RFX7: variants seen among roughly 807,000 people sequenced by gnomAD.
RFX7 encodes DNA-binding protein RFX7.
A neutral mutation model predicts 111.8 loss-of-function variants in RFX7; 26 were observed. The observed-to-expected ratio is 0.23, with a 90% CI of 0.17 to 0.32. The LOEUF is 0.32. Ranked by LOEUF, RFX7 falls within the 10% of genes least tolerant of loss-of-function variation. The pLI, the probability that RFX7 is intolerant of heterozygous loss-of-function variation, is 1.00. For missense variants in RFX7, 1,573 were observed against 1,772.9 expected (o/e 0.89, Z 2.02); for synonymous variants, 624 against 624.4 (o/e 1.00, Z 0.01).
chr15:56,122,211 T>C (rs2042088005), intron 5 of RFX7, among the ~76,000 whole-genome samples: 1 of 152,172 alleles, frequency 6.6e-6, no homozygotes, highest in African/African-American at 2.4e-5. Flanking sequence ...TGATCTGTTT[T>C]TGGCCACCAC....
chr15:56,139,860 T>C (rs185892694), intron 5 of RFX7, among the ~76,000 whole-genome samples: 108 of 152,320 alleles, frequency 7.1e-4, no homozygotes, highest in Admixed American at 6.7e-3. Context: ...TGTAGGTCTG[T>C]TGGAATACGC....
chr15:56,110,001 CG>C (rs2041892884), intron 5 of RFX7, among the ~76,000 whole-genome samples: 1 of 135,084 alleles, frequency 7.4e-6, no homozygotes, highest in Admixed American at 7.2e-5. Context: ...CCGCCCCGTC[CG>C]GGAGGCGAGG....
intron 3 of RFX7, among the ~76,000 whole-genome samples, chr15:56,169,952 G>C (rs1347344322): frequency 2.0e-5 from 3 of 151,942 alleles, no homozygotes; most frequent in Non-Finnish European, 4.4e-5. Context: ...AAAGGAATGA[G>C]TTATCTTTAC....
At position 56,107,877 on chromosome 15, in the gene RFX7, C is replaced by T. The variant is rs1306424207; in HGVS notation, c.402-4207G>A. On this transcript the variant is annotated intron_variant, in intron 5 of 9. Coordinates refer to ENST00000559447, the MANE Select transcript of RFX7 (RefSeq NM_022841.7). ...CAATAAAAAATGATACAGGGGATATCGCCACTGATCCCACAGAAATACAAC... is the reference window on the plus strand; with the variant it reads ...CAATAAAAAATGATACAGGGGATATTGCCACTGATCCCACAGAAATACAAC... Among the ~76,000 whole-genome samples, 3 of 152,124 alleles carry T rather than the reference C, an allele frequency of 2.0e-5. No homozygotes were observed. The East Asian group carries it at 5.8e-4, about 29-fold the overall frequency.
rs1196345049 is a variant in RFX7, at chr15:56,088,615, G to A, written c.*4730C>T. The A allele has an allele frequency of 6.9e-6, 1 of 144,914 alleles. No individual in the cohort carries two copies. Among genetic ancestry groups the A allele is most frequent in the Non-Finnish European group, 1.5e-5 (1 of 67,838 alleles). 9.0% of individuals were successfully genotyped at this position (144,914 alleles called of 1,614,324 possible). ...ATTTCAGATGATGCAATATTAATAA[G>A]TGATCCCATCCATAAATTTATAACT... On this transcript the variant is annotated 3_prime_UTR_variant, in exon 10 of 10. Transcript: ENST00000559447.
intron 3 of RFX7, among the ~76,000 whole-genome samples, chr15:56,177,659 A>G (rs1218715201): frequency 1.3e-5 from 2 of 152,176 alleles, no homozygotes; most frequent in Non-Finnish European, 2.9e-5. Flanking sequence ...CTTAATGAAG[A>G]GAAAAAAGTG....
chr15:56,091,356 A>G lies in RFX7; in HGVS notation c.*1989T>C, dbSNP rs939725104. On this transcript the variant is annotated 3_prime_UTR_variant, in exon 10 of 10. Transcript: ENST00000559447. ...TGCCTACCACAGGTTCAACAAATTTAGTGCAATATATGAACCCCAGAAAGT... is the reference window on the plus strand; with the variant it reads ...TGCCTACCACAGGTTCAACAAATTTGGTGCAATATATGAACCCCAGAAAGT... The G allele has an allele frequency of 3.9e-5, 6 of 152,578 alleles. No homozygotes were observed. The highest frequency in any genetic ancestry group is 1.2e-4 in the African/African-American group (5 of 41,460). 9.5% of individuals were successfully genotyped at this position (152,578 alleles called of 1,614,324 possible).
At chr15:56,105,130 A>C (rs1199081480) in intron 5 of RFX7, among the ~76,000 whole-genome samples, 1 of 152,118 alleles carries the variant, frequency 6.6e-6, no homozygotes, top group African/African-American at 2.4e-5. Context: ...CAGGGACTTG[A>C]CCCATGTTGA....
At chr15:56,208,194 G>C (rs1404470836) in intron 2 of RFX7, among the ~76,000 whole-genome samples, 3 of 152,194 alleles carry the variant, frequency 2.0e-5, no homozygotes, top group Non-Finnish European at 4.4e-5. Context: ...AAAGCATTCT[G>C]TTCCTAATAA....
chr15:56,187,770 C>T (rs2043057542), intron 2 of RFX7, among the ~76,000 whole-genome samples: 1 of 152,142 alleles, frequency 6.6e-6, no homozygotes, highest in South Asian at 2.1e-4. Context: ...ATTTCTGCTG[C>T]TGCCTGTCAC....
chr15:56,112,379 C>CAAAAAA (rs71110374), intron 5 of RFX7, among the ~76,000 whole-genome samples: 144 of 71,706 alleles, frequency 2.0e-3, no homozygotes, highest in Non-Finnish European at 2.3e-3. Flanking sequence ...GAGTACAAAT[C>CAAAAAA]AAAAAAAAAA....
At chr15:56,187,526 A>G (rs1431702285) in intron 2 of RFX7, among the ~76,000 whole-genome samples, 1 of 151,756 alleles carries the variant, frequency 6.6e-6, no homozygotes, top group Non-Finnish European at 1.5e-5. Flanking sequence ...TTATCAGCCC[A>G]TGTGGCAATG....
rs1567002273 is a variant in RFX7 at position 56,094,287 on chromosome 15, G to C, written c.3441C>G (p.Ala1147=). 2 of 1,613,930 alleles carry C rather than the reference G, an allele frequency of 1.2e-6. No homozygotes were observed. Among genetic ancestry groups the C allele is most frequent in the East Asian group, 4.5e-5 (2 of 44,868 alleles). Reference sequence around the variant, plus strand: ...AATTAGTTCCTTTATTATCAAGAGGGGCAGGGACTGCAAAACCCTCCTGTT... The same window carrying C: ...AATTAGTTCCTTTATTATCAAGAGGCGCAGGGACTGCAAAACCCTCCTGTT... ...TNKQEGFAVP[A]PLDNKGTNSS... Residue 1147 remains alanine, a synonymous_variant, in exon 10 of 10, where the codon GCC becomes GCG. Coordinates refer to ENST00000559447, the MANE Select transcript of RFX7 (RefSeq NM_022841.7).
At chr15:56,239,033 C>T (rs2043656754) in intron 2 of RFX7, among the ~76,000 whole-genome samples, 1 of 151,990 alleles carries the variant, frequency 6.6e-6, no homozygotes, top group Non-Finnish European at 1.5e-5. Context: ...GGGGTTTCAC[C>T]GTGTTGCCCA....
intron 5 of RFX7, among the ~76,000 whole-genome samples, chr15:56,106,801 T>C (rs1264891670): frequency 8.5e-5 from 13 of 152,198 alleles, no homozygotes; most frequent in African/African-American, 2.9e-4. Context: ...TTTTGTCCTA[T>C]ATAACAAACC....
intron 2 of RFX7, among the ~76,000 whole-genome samples, chr15:56,203,558 G>A (rs1180753819): frequency 6.6e-6 from 1 of 152,116 alleles, no homozygotes; most frequent in Non-Finnish European, 1.5e-5. Context: ...AGACATTAAG[G>A]CATTCTAAGT....
At chr15:56,204,024 T>G (rs1241014394) in intron 2 of RFX7, among the ~76,000 whole-genome samples, 1 of 149,454 alleles carries the variant, frequency 6.7e-6, no homozygotes, top group African/African-American at 2.5e-5. Flanking sequence ...AAAACCTTTT[T>G]TTTTTTTTTT....
chr15:56,225,633 G>C (rs1452154347), intron 2 of RFX7, among the ~76,000 whole-genome samples: 11 of 152,124 alleles, frequency 7.2e-5, no homozygotes, highest in African/African-American at 1.9e-4. Context: ...ACTCCAAAAT[G>C]TCTTTCTAGC....
At chr15:56,118,080 TATATATGGG>T in intron 5 of RFX7, among the ~76,000 whole-genome samples, 2 of 152,172 alleles carry the variant, frequency 1.3e-5, no homozygotes, top group Middle Eastern at 3.4e-3. Flanking sequence ...TAGGTATATA[TATATATGGG>T]GTATATGGGA....
Sources: allele counts gnomAD v4.1 joint callset (sites outside exome capture counted in the v4.1 genomes callset), GRCh38; gene constraint gnomAD v4.1.1; transcripts MANE v1.5; gene names NCBI Gene and HGNC (gene_info 2026-07-23, HGNC 2026-07-21).